The following DPP10 variants were observed in gnomAD, a reference collection of about 807,000 sequenced individuals.
DPP10 encodes the protein inactive dipeptidyl peptidase 10.
A neutral mutation model predicts 120.9 loss-of-function variants in DPP10; 33 were observed. The ratio of observed to expected loss-of-function variants is 0.27; its 90% confidence interval spans 0.21 to 0.37. The LOEUF (loss-of-function observed/expected upper bound fraction) is 0.37. Among genes scored for constraint, DPP10 ranks in the 10% least tolerant of loss-of-function variants. The probability of loss-of-function intolerance (pLI) is 1.00; values close to 1 mark genes in which losing one functional copy is unlikely to be tolerated. For synonymous variants in DPP10, 337 were observed against 326.1 expected (o/e 1.03, Z -0.36); for missense variants, 816 against 942.8 (o/e 0.87, Z 1.76).
chr2:114,547,453 GC>G (rs766183339), intron 1 of DPP10, among the ~76,000 whole-genome samples: 16 of 151,960 alleles, frequency 1.1e-4, no homozygotes, highest in Non-Finnish European at 2.2e-4. Context: ...AAAAGAAATA[GC>G]TTTTTTTTTT....
chr2:114,470,995 T>C (rs10176474), intron 1 of DPP10, among the ~76,000 whole-genome samples: 3,026 of 152,260 alleles, frequency 0.02, 103 homozygotes, highest in African/African-American at 0.069. Flanking sequence ...CAACAAATAG[T>C]TGTTTGTTAA....
intron 1 of DPP10, among the ~76,000 whole-genome samples, chr2:115,032,157 A>AT (rs1421427151): frequency 1.3e-5 from 2 of 150,268 alleles, no homozygotes; most frequent in African/African-American, 2.4e-5. Context: ...CCTGGAATCC[A>AT]TTTTTTTTCC....
chr2:115,521,212 G>A (rs551111497), intron 4 of DPP10, among the ~76,000 whole-genome samples: 1 of 152,312 alleles, frequency 6.6e-6, no homozygotes, highest in East Asian at 1.9e-4. Context: ...GGTACACCAT[G>A]TTCATAACTG....
At chr2:115,525,843 C>A (rs150331969) in intron 4 of DPP10, 55 bp from the exon 5 acceptor site, 656 of 1,350,358 alleles carry the variant, frequency 4.9e-4, no homozygotes, top group Non-Finnish European at 6.2e-4. Flanking sequence ...ATTTATACAT[C>A]CAAATTCATG....
intron 3 of DPP10, among the ~76,000 whole-genome samples, chr2:115,356,531 T>G (rs553845870): frequency 6.6e-6 from 1 of 152,226 alleles, no homozygotes; most frequent in East Asian, 1.9e-4. Flanking sequence ...CTCTTCCTAT[T>G]TGAATACCCT....
intron 1 of DPP10, among the ~76,000 whole-genome samples, chr2:115,028,551 T>C (rs548262311): frequency 2.6e-5 from 4 of 152,226 alleles, no homozygotes; most frequent in African/African-American, 9.6e-5. Flanking sequence ...ATGAAAAGAA[T>C]GTATATTCTG....
chr2:115,503,229 T>C (rs1450298105), intron 4 of DPP10, among the ~76,000 whole-genome samples: 1 of 152,134 alleles, frequency 6.6e-6, no homozygotes, highest in Non-Finnish European at 1.5e-5. Flanking sequence ...AATTACAAAA[T>C]AGTAGGTTTG....
At chr2:115,584,843 G>A (rs533120798) in intron 5 of DPP10, among the ~76,000 whole-genome samples, 1 of 152,284 alleles carries the variant, frequency 6.6e-6, no homozygotes, top group South Asian at 2.1e-4. Flanking sequence ...GTTCCAGGTG[G>A]TTAAATACTG....
chr2:115,159,387 A>G (rs1254630756), intron 1 of DPP10, among the ~76,000 whole-genome samples: 1 of 152,178 alleles, frequency 6.6e-6, no homozygotes, highest in African/African-American at 2.4e-5. Context: ...TTTAAAAATA[A>G]CATCATTAGA....
chr2:115,822,574 C>T (rs1687917185), intron 21 of DPP10, among the ~76,000 whole-genome samples: 1 of 151,878 alleles, frequency 6.6e-6, no homozygotes, highest in Non-Finnish European at 1.5e-5. Flanking sequence ...AATATTGAAG[C>T]TTTCATATTT....
intron 3 of DPP10, among the ~76,000 whole-genome samples, chr2:115,351,000 G>A (rs542619908): frequency 6.6e-6 from 1 of 152,038 alleles, no homozygotes; most frequent in Admixed American, 6.6e-5. Context: ...ACTAGCATTG[G>A]ACTAGCAATC....
intron 5 of DPP10, among the ~76,000 whole-genome samples, chr2:115,558,447 C>T (rs1257689915): frequency 6.6e-6 from 1 of 151,888 alleles, no homozygotes; most frequent in Non-Finnish European, 1.5e-5. Context: ...TTCAGGGTAC[C>T]CAAGAGTACA....
At chr2:115,443,193 A>C (rs1049864972) in intron 3 of DPP10, among the ~76,000 whole-genome samples, 1 of 152,182 alleles carries the variant, frequency 6.6e-6, no homozygotes, top group African/African-American at 2.4e-5. Flanking sequence ...TTTAGCATGA[A>C]TTCTTAAAAG....
chr2:115,599,899 A>G (rs1349889907), intron 5 of DPP10, among the ~76,000 whole-genome samples: 1 of 152,094 alleles, frequency 6.6e-6, no homozygotes, highest in African/African-American at 2.4e-5. Flanking sequence ...AATTTTGCCC[A>G]CCATCCTCCA....
At chr2:114,791,372 C>T (rs141148305) in intron 1 of DPP10, among the ~76,000 whole-genome samples, 21 of 152,266 alleles carry the variant, frequency 1.4e-4, no homozygotes, top group African/African-American at 5.1e-4. Flanking sequence ...TATTAATAAA[C>T]AAATGAATGC....
chr2:115,525,075 T>A (rs962658317), intron 4 of DPP10, among the ~76,000 whole-genome samples: 5 of 152,170 alleles, frequency 3.3e-5, no homozygotes, highest in African/African-American at 1.2e-4. Flanking sequence ...GCACAATTGT[T>A]TATGCACGTA....
chr2:115,304,644 T>A (rs1372424564), intron 1 of DPP10, among the ~76,000 whole-genome samples: 1 of 152,088 alleles, frequency 6.6e-6, no homozygotes, highest in Non-Finnish European at 1.5e-5. Context: ...GGCAGATAAA[T>A]ACATTGACGT....
At chr2:114,515,819 T>C (rs201708539) in intron 1 of DPP10, among the ~76,000 whole-genome samples, 1 of 148,698 alleles carries the variant, frequency 6.7e-6, no homozygotes, top group Non-Finnish European at 1.5e-5. Flanking sequence ...TTTTTTTTTT[T>C]CTAGAATTAT....
intron 5 of DPP10, among the ~76,000 whole-genome samples, chr2:115,543,546 T>G (rs2148972755): frequency 6.6e-6 from 1 of 152,190 alleles, no homozygotes; most frequent in South Asian, 2.1e-4. Flanking sequence ...TCTTTAATTC[T>G]GTACTATGTA....
Sources: allele counts gnomAD v4.1 joint callset (sites outside exome capture counted in the v4.1 genomes callset), GRCh38; gene constraint gnomAD v4.1.1; transcripts MANE v1.5; gene names NCBI Gene and HGNC (gene_info 2026-07-23, HGNC 2026-07-21).